OSTC: variants seen among roughly 807,000 people sequenced by gnomAD.
OSTC encodes oligosaccharyltransferase complex non-catalytic subunit.
A neutral mutation model predicts 16.4 loss-of-function variants in OSTC; 16 were observed. The observed-to-expected ratio is 0.98, with a 90% CI of 0.66 to 1.49. The LOEUF is 1.49. Ranked by LOEUF, OSTC falls within the 40% of genes most tolerant of loss-of-function variation. OSTC has a pLI of 0.00. For missense variants in OSTC, 139 were observed against 186.3 expected, an observed-to-expected ratio of 0.75 and a Z score of 1.48; for synonymous variants, 67 against 68.5, an observed-to-expected ratio of 0.98 and a Z score of 0.11.
intron 1 of OSTC, among the ~76,000 whole-genome samples, chr4:108,651,991 A>G (rs1726566165): frequency 6.6e-6 from 1 of 152,256 alleles, no homozygotes; most frequent in African/African-American, 2.4e-5. Flanking sequence ...ATTTGGTAAC[A>G]AGATACTATC....
chr4:108,658,425 T>TTGTGTGTGTGTG (rs77284877), intron 3 of OSTC, among the ~76,000 whole-genome samples: 179 of 150,034 alleles, frequency 1.2e-3, no homozygotes, highest in African/African-American at 3.7e-3. Flanking sequence ...ATTTATATAT[T>TTGTGTGTGTGTG]TGTGTGTGTG....
intron 3 of OSTC, among the ~76,000 whole-genome samples, chr4:108,662,812 T>C (rs1314445569): frequency 6.6e-6 from 1 of 152,222 alleles, no homozygotes; most frequent in Non-Finnish European, 1.5e-5. Flanking sequence ...GCTGGATTGT[T>C]TCAGCGACTA....
intron 1 of OSTC, chr4:108,651,042 C>G (rs1726526499): frequency 8.4e-6 from 4 of 474,544 alleles, no homozygotes; most frequent in Non-Finnish European, 1.5e-5. Flanking sequence ...CCTCCCATCC[C>G]AGGGATCCGA....
At chr4:108,665,898 A>AT (rs201114275) in intron 3 of OSTC, among the ~76,000 whole-genome samples, 35 of 149,448 alleles carry the variant, frequency 2.3e-4, no homozygotes, top group South Asian at 6.3e-4. Context: ...TAATTTTTCC[A>AT]TTTTTTTTTC....
Position 108,667,377 on chromosome 4 carries a change from A to G in OSTC, c.*112A>G, listed in dbSNP as rs1042491086. On this transcript the variant is annotated 3_prime_UTR_variant, in exon 4 of 4. Coordinates refer to ENST00000361564, the MANE Select transcript of OSTC (RefSeq NM_021227.4). ...GTGGAAAAGAATGAAGAGCAGCAGT[A>G]AAAGAAATATCTAGTGAAAAAACAG... The G allele has an allele frequency of 9.3e-6, 8 of 856,678 alleles. No individual in the cohort carries two copies. Among genetic ancestry groups the G allele is most frequent in the Non-Finnish European group, 1.4e-5 (8 of 554,152 alleles). The allele number at this position is 856,678 out of a possible 1,614,324, so 53.1% of individuals were successfully genotyped here.
intron 2 of OSTC, among the ~76,000 whole-genome samples, 162 bp downstream of exon 2, chr4:108,655,819 A>G (rs1194963253): frequency 6.6e-6 from 1 of 152,226 alleles, no homozygotes; most frequent in Admixed American, 6.5e-5. Flanking sequence ...AGTCAAAAAC[A>G]AGAGTATATT....
chr4:108,654,668 A>G (rs1726654121), intron 1 of OSTC, among the ~76,000 whole-genome samples: 1 of 152,140 alleles, frequency 6.6e-6, no homozygotes, highest in Admixed American at 6.5e-5. Context: ...GGAGATGAAG[A>G]TGTTTGAGAA....
At chr4:108,658,122 G>A (rs1049754984) in intron 3 of OSTC, among the ~76,000 whole-genome samples, 1 of 151,672 alleles carries the variant, frequency 6.6e-6, no homozygotes, top group Non-Finnish European at 1.5e-5. Flanking sequence ...AGTAGAGGTG[G>A]GGTTTCACAA....
At chr4:108,661,629 G>C (rs933449684) in intron 3 of OSTC, among the ~76,000 whole-genome samples, 3 of 151,928 alleles carry the variant, frequency 2.0e-5, no homozygotes, top group African/African-American at 7.3e-5. Flanking sequence ...AGACAGTCTT[G>C]CTTTATCACC....
intron 3 of OSTC, 67 bp from the exon 4 acceptor site, chr4:108,667,180 C>T: frequency 7.5e-7 from 1 of 1,328,348 alleles, no homozygotes; most frequent in Non-Finnish European, 1.1e-6. Context: ...TTTTGAAATA[C>T]TATGATAATA....
chr4:108,655,466 C>A (rs201851176), intron 1 of OSTC, 98 bp from the exon 2 acceptor site: 93 of 639,846 alleles, frequency 1.5e-4, no homozygotes, highest in African/African-American at 4.8e-4. Context: ...GACTCTGTCT[C>A]AAAAAAAGTA....
chr4:108,663,287 C>T (rs1220572310), intron 3 of OSTC: 2 of 450,760 alleles, frequency 4.4e-6, no homozygotes, highest in East Asian at 1.4e-4. Context: ...TCTCGGCTCA[C>T]TACAAACTCT....
chr4:108,654,648 A>G (rs1198898931), intron 1 of OSTC, among the ~76,000 whole-genome samples: 1 of 152,210 alleles, frequency 6.6e-6, no homozygotes, highest in Non-Finnish European at 1.5e-5. Context: ...TGTTATGCTT[A>G]AGAAAAGCTG....
chr4:108,652,859 G>A (rs190239230), intron 1 of OSTC, among the ~76,000 whole-genome samples: 2 of 152,050 alleles, frequency 1.3e-5, no homozygotes, highest in African/African-American at 4.8e-5. Context: ...GCAACATGGC[G>A]AAACCCTGTC....
rs533309853 is a variant in OSTC at position 108,656,632 on chromosome 4, T to C, written c.234-818T>C. Among the ~76,000 whole-genome samples, 26 of 152,240 alleles carry C rather than the reference T, an allele frequency of 1.7e-4. No homozygotes were observed. The South Asian group carries it at 2.3e-3, about 13-fold the overall frequency. ...ATAATTAGAGGGGTTTGTAGTTCACTGAAGTTCTTATGGGACCCATGGAGC... is the reference window on the plus strand; with the variant it reads ...ATAATTAGAGGGGTTTGTAGTTCACCGAAGTTCTTATGGGACCCATGGAGC... On this transcript the variant is annotated intron_variant, in intron 2 of 3. Coordinates refer to ENST00000361564, the MANE Select transcript of OSTC (RefSeq NM_021227.4).
At chr4:108,651,506 T>A (rs1726544492) in intron 1 of OSTC, 1 of 152,266 alleles carries the variant, frequency 6.6e-6, no homozygotes, top group Non-Finnish European at 1.5e-5. Flanking sequence ...CATCTTATTC[T>A]GTCCTTTTCA....
chr4:108,664,754 C>T (rs1726952163), intron 3 of OSTC, among the ~76,000 whole-genome samples: 1 of 151,930 alleles, frequency 6.6e-6, no homozygotes, highest in Admixed American at 6.6e-5. Flanking sequence ...CTACCACACC[C>T]AGGTAATTTT....
At chr4:108,653,100 T>G (rs1461148598) in intron 1 of OSTC, among the ~76,000 whole-genome samples, 1 of 152,032 alleles carries the variant, frequency 6.6e-6, no homozygotes, top group African/African-American at 2.4e-5. Flanking sequence ...TAGTCCCAAG[T>G]AGCTGGGACT....
intron 3 of OSTC, among the ~76,000 whole-genome samples, chr4:108,664,464 AC>A (rs1726941495): frequency 6.8e-6 from 1 of 146,950 alleles, no homozygotes; most frequent in Non-Finnish European, 1.5e-5. Flanking sequence ...ATCTTCTTGA[AC>A]CTTTTTTTTT....
Sources: allele counts gnomAD v4.1 joint callset (sites outside exome capture counted in the v4.1 genomes callset), GRCh38; gene constraint gnomAD v4.1.1; transcripts MANE v1.5; gene names NCBI Gene and HGNC (gene_info 2026-07-23, HGNC 2026-07-21).